Variants in ADAMTS12 observed in about 807,000 individuals in gnomAD.
ADAMTS12 encodes ADAM metallopeptidase with thrombospondin type 1 motif 12, also known as A disintegrin and metalloproteinase with thrombospondin motifs 12.
ADAMTS12 carries 118 observed loss-of-function variants against 167.8 expected under a neutral mutation model. That is an observed-to-expected ratio of 0.70 (90% CI 0.61 to 0.82). ADAMTS12 has a LOEUF of 0.82. Among genes scored for constraint, ADAMTS12 ranks in the 40% least tolerant of loss-of-function variants. The probability of loss-of-function intolerance (pLI) is 0.00; values close to 1 mark genes in which losing one functional copy is unlikely to be tolerated. For synonymous variants in ADAMTS12, 704 were observed against 716.9 expected (o/e 0.98, Z 0.29); for missense variants, 1,916 against 1,998.8 (o/e 0.96, Z 0.79).
In ADAMTS12 at chr5:33,577,077, C is replaced by T. The variant is rs1400250323; in HGVS notation, c.2949G>A (p.Arg983=). 9.3e-6 allele frequency: 15 copies of T among 1,614,196 alleles called. No homozygotes were observed. The highest frequency in any genetic ancestry group is 1.3e-5 in the Non-Finnish European group (15 of 1,180,024). The change falls in exon 19 of 24, where the codon AGG becomes AGA. Residue 983 remains arginine, a synonymous_variant. Coordinates refer to ENST00000504830, the MANE Select transcript of ADAMTS12 (RefSeq NM_030955.4). ...KNHDEPCDVT[R]KPNSRALCGL... is the part of the protein sequence containing the mutation. Reference sequence around the variant, plus strand: ...CACACAGAGCTCGGCTGTTGGGTTTCCTTGTCACATCGCAAGGTTCATCAT... The same window carrying T: ...CACACAGAGCTCGGCTGTTGGGTTTTCTTGTCACATCGCAAGGTTCATCAT...
chr5:33,600,824 A>G (rs879666076), intron 16 of ADAMTS12, among the ~76,000 whole-genome samples: 1 of 152,184 alleles, frequency 6.6e-6, no homozygotes, highest in Admixed American at 6.5e-5. Flanking sequence ...CTCAATAAAG[A>G]GCTTGTCACT....
At chr5:33,698,456 C>T (rs140049683) in intron 3 of ADAMTS12, among the ~76,000 whole-genome samples, 1 of 152,174 alleles carries the variant, frequency 6.6e-6, no homozygotes, top group East Asian at 1.9e-4. Context: ...TGAAGAATGC[C>T]AATCAGATAA....
intron 2 of ADAMTS12, among the ~76,000 whole-genome samples, chr5:33,857,153 A>G (rs1412086307): frequency 6.6e-6 from 1 of 152,224 alleles, no homozygotes; most frequent in African/African-American, 2.4e-5. Context: ...AAGTGAAGTA[A>G]GGCAGCTGCA....
intron 18 of ADAMTS12, among the ~76,000 whole-genome samples, chr5:33,584,950 C>T (rs1205661153): frequency 5.3e-5 from 8 of 152,202 alleles, no homozygotes; most frequent in African/African-American, 1.9e-4. Flanking sequence ...ATGGTTTCTC[C>T]ATGATCTCAG....
intron 22 of ADAMTS12, 83 bp from the exon 23 acceptor site, chr5:33,535,075 G>A: frequency 7.2e-7 from 1 of 1,392,828 alleles, no homozygotes; most frequent in Non-Finnish European, 9.6e-7. Context: ...CAATCCCACT[G>A]TGGTCAAGAA....
At chr5:33,806,772 T>C (rs953573457) in intron 2 of ADAMTS12, among the ~76,000 whole-genome samples, 2 of 152,234 alleles carry the variant, frequency 1.3e-5, no homozygotes, top group Admixed American at 6.5e-5. Flanking sequence ...AATACTGTCA[T>C]GTTTCAGATT....
chr5:33,713,429 A>C (rs1743481098), intron 3 of ADAMTS12, among the ~76,000 whole-genome samples: 1 of 152,068 alleles, frequency 6.6e-6, no homozygotes, highest in South Asian at 2.1e-4. Context: ...GAGCTTTTAA[A>C]AATACATATT....
chr5:33,840,325 ACTT>A (rs1325445008), intron 2 of ADAMTS12: 1 of 152,136 alleles, frequency 6.6e-6, no homozygotes, highest in Middle Eastern at 3.2e-3. Flanking sequence ...TCTCCTTACT[ACTT>A]CTGTTTAGGA....
Position 33,833,595 on chromosome 5 carries a change from G to C in ADAMTS12, c.489+47524C>G, listed in dbSNP as rs368656141. Reference sequence around the variant, plus strand: ...ATAAAAGGTACATTTGACTGTATCTGTTAGAAATTAAGTACCTTACAATGG... The same window carrying C: ...ATAAAAGGTACATTTGACTGTATCTCTTAGAAATTAAGTACCTTACAATGG... On this transcript the variant is annotated intron_variant, in intron 2 of 23. Coordinates refer to ENST00000504830, the MANE Select transcript of ADAMTS12 (RefSeq NM_030955.4). Among the ~76,000 whole-genome samples, 5 of 145,370 alleles carry C rather than the reference G, an allele frequency of 3.4e-5. 1 individual carries two copies. Among genetic ancestry groups the C allele is most frequent in the African/African-American group, 1.4e-4 (5 of 36,762 alleles).
intron 2 of ADAMTS12, among the ~76,000 whole-genome samples, chr5:33,800,374 T>A (rs1273118774): frequency 6.6e-6 from 1 of 152,082 alleles, no homozygotes; most frequent in Non-Finnish European, 1.5e-5. Context: ...CCGGAAGACA[T>A]GAGCTGAGGG....
rs1039469930 is a variant in ADAMTS12, at chr5:33,555,088, T to C, written c.4126-5705A>G. On this transcript the variant is annotated intron_variant, in intron 20 of 23. Coordinates refer to ENST00000504830, the MANE Select transcript of ADAMTS12 (RefSeq NM_030955.4). ...AATAAAGGGGTTGTCAAATCAGCAG[T>C]TGCCAAAACTTCAGAAGAAACAGAC... 2.6e-5 allele frequency among the ~76,000 whole-genome samples: 4 copies of C among 152,232 alleles called. No homozygotes were observed. In the East Asian group the frequency reaches 5.8e-4, roughly 22 times the overall value.
chr5:33,858,164 A>T (rs1749476788), intron 2 of ADAMTS12, among the ~76,000 whole-genome samples: 2 of 152,246 alleles, frequency 1.3e-5, no homozygotes, highest in African/African-American at 4.8e-5. Flanking sequence ...AATGGAATTC[A>T]ATAACAGAAA....
chr5:33,822,135 T>C (rs1024089006), intron 2 of ADAMTS12, among the ~76,000 whole-genome samples: 2 of 152,216 alleles, frequency 1.3e-5, no homozygotes, highest in Admixed American at 6.5e-5. Flanking sequence ...CCATGGAATA[T>C]TCCATGTTCC....
At chr5:33,789,829 G>C (rs778718664) in intron 2 of ADAMTS12, among the ~76,000 whole-genome samples, 10 of 152,130 alleles carry the variant, frequency 6.6e-5, no homozygotes, top group Non-Finnish European at 1.2e-4. Flanking sequence ...GCGCCATGTG[G>C]TCTGCAGCCT....
intron 3 of ADAMTS12, among the ~76,000 whole-genome samples, chr5:33,722,954 C>T (rs1743856813): frequency 6.6e-6 from 1 of 152,104 alleles, no homozygotes; most frequent in Admixed American, 6.5e-5. Flanking sequence ...GGAAGGAGAA[C>T]AGACCCTGGA....
Position 33,876,628 on chromosome 5 carries a change from C to T in ADAMTS12, c.489+4491G>A, listed in dbSNP as rs144575622. On this transcript the variant is annotated intron_variant, in intron 2 of 23. Coordinates refer to ENST00000504830, the MANE Select transcript of ADAMTS12 (RefSeq NM_030955.4). ...GAGGGAGGAGGGGAGGGAGGAGAAC[C>T]TCTAAGTCTCATACCTCATACAAAA... 3.0e-4 allele frequency among the ~76,000 whole-genome samples: 46 copies of T among 152,182 alleles called. 1 individual carries two copies. In the East Asian group the frequency reaches 7.7e-3, roughly 26 times the overall value.
At chr5:33,595,807 C>G in intron 17 of ADAMTS12, 127 bp downstream of exon 17, 2 of 1,379,880 alleles carry the variant, frequency 1.4e-6, no homozygotes, top group Non-Finnish European at 2.0e-6. Context: ...AAACTCTAAC[C>G]GCGTTCTTGT....
chr5:33,576,107 G>A lies in ADAMTS12; in HGVS notation c.3919C>T (p.Gln1307Ter). 1.2e-6 allele frequency: 2 copies of A among 1,614,082 alleles called. No homozygotes were observed. Among genetic ancestry groups the A allele is most frequent in the South Asian group, 1.1e-5 (1 of 91,074 alleles). ...GCAGAGCCGTGGCCGTTTGTGAGCT[G>A]CTTGTAATTGGAGGCATTTAGCAAA... ...GFLLNASNYK[Q>*]LTNGHGSAHW... Residue 1307 changes from glutamine to a stop codon, truncating the protein, a stop_gained, in exon 19 of 24, where the codon CAG becomes TAG. Coordinates refer to ENST00000504830, the MANE Select transcript of ADAMTS12 (RefSeq NM_030955.4). LOFTEE classifies it high-confidence loss of function.
chr5:33,589,279 T>A (rs1210142730), intron 17 of ADAMTS12, among the ~76,000 whole-genome samples: 1 of 152,220 alleles, frequency 6.6e-6, no homozygotes, highest in African/African-American at 2.4e-5. Flanking sequence ...TGATTTATTG[T>A]TATTTTGACC....
Sources: gnomAD v4.1 joint callset for allele counts (sites outside exome capture counted in the v4.1 genomes callset) on GRCh38, gnomAD v4.1.1 for gene constraint, MANE v1.5 for transcripts, NCBI Gene and HGNC (gene_info 2026-07-23, HGNC 2026-07-21) for gene names.